KAZN: variants seen among roughly 807,000 people sequenced by gnomAD.
The protein encoded by KAZN is kazrin, periplakin interacting protein, also known as kazrin.
KAZN carries 40 observed loss-of-function variants against 87.4 expected under a neutral mutation model. That is an observed-to-expected ratio of 0.46 (90% confidence interval 0.36 to 0.60). The LOEUF (loss-of-function observed/expected upper bound fraction) is 0.60. KAZN is among the 20% of genes least tolerant of loss of function. KAZN has a pLI of 0.00. For synonymous variants in KAZN, 466 were observed against 458.3 expected, an observed-to-expected ratio of 1.02 and a Z score of -0.22; for missense variants, 898 against 1,073.9, an observed-to-expected ratio of 0.84 and a Z score of 2.29.
chr1:14,016,825 C>A (rs974150884), intron 1 of KAZN, among the ~76,000 whole-genome samples: 2 of 152,122 alleles, frequency 1.3e-5, no homozygotes, highest in Non-Finnish European at 2.9e-5. Flanking sequence ...AACAGAGAAG[C>A]GGGGATTTGC....
chr1:14,821,394 G>A (rs924227434), intron 1 of KAZN, among the ~76,000 whole-genome samples: 18 of 151,982 alleles, frequency 1.2e-4, no homozygotes, highest in Non-Finnish European at 1.8e-4. Flanking sequence ...GCAGGCACCT[G>A]TAATCCCAGC....
chr1:14,883,745 C>T (rs941892905), intron 1 of KAZN, among the ~76,000 whole-genome samples: 2 of 152,194 alleles, frequency 1.3e-5, no homozygotes, highest in Admixed American at 6.5e-5. Flanking sequence ...AAGAATCAGA[C>T]AGGGGGCCTA....
At chr1:14,726,111 C>T (rs1413062414) in intron 1 of KAZN, among the ~76,000 whole-genome samples, 1 of 152,232 alleles carries the variant, frequency 6.6e-6, no homozygotes, top group East Asian at 1.9e-4. Flanking sequence ...TCATCTGGCA[C>T]TGGCTCTGTG....
intron 1 of KAZN, among the ~76,000 whole-genome samples, chr1:14,886,461 CACAG>C (rs928430448): frequency 7.4e-5 from 11 of 148,662 alleles, no homozygotes; most frequent in African/African-American, 2.6e-4. Flanking sequence ...CACACACACA[CACAG>C]AGAGAGACAG....
chr1:14,157,534 T>G (rs1645619812), intron 1 of KAZN, among the ~76,000 whole-genome samples: 1 of 152,190 alleles, frequency 6.6e-6, no homozygotes, highest in African/African-American at 2.4e-5. Flanking sequence ...CTTCAGCGCT[T>G]TAAATATGTC....
At chr1:15,097,231 AC>A (rs779085803) in intron 10 of KAZN, among the ~76,000 whole-genome samples, 7 of 152,108 alleles carry the variant, frequency 4.6e-5, no homozygotes, top group Non-Finnish European at 8.8e-5. Context: ...ACAAAACTTC[AC>A]AACTTTTCAC....
intron 1 of KAZN, among the ~76,000 whole-genome samples, chr1:13,951,236 A>G (rs1418982501): frequency 2.0e-5 from 3 of 152,286 alleles, no homozygotes; most frequent in East Asian, 1.9e-4. Context: ...AGCAAGGCAT[A>G]GTGTGGTAAG....
At chr1:15,038,725 G>A (rs894366504) in intron 3 of KAZN, among the ~76,000 whole-genome samples, 3 of 152,168 alleles carry the variant, frequency 2.0e-5, no homozygotes, top group Admixed American at 6.5e-5. Context: ...TATAAGGCAT[G>A]ACCGTGACAG....
chr1:14,480,743 A>G (rs1669035446), intron 2 of KAZN, among the ~76,000 whole-genome samples: 1 of 145,790 alleles, frequency 6.9e-6, no homozygotes, highest in Non-Finnish European at 1.5e-5. Flanking sequence ...CATATACTAT[A>G]TATGTATTTA....
chr1:14,159,984 CT>C (rs1311992819), intron 1 of KAZN, among the ~76,000 whole-genome samples: 4 of 152,196 alleles, frequency 2.6e-5, no homozygotes, highest in Non-Finnish European at 4.4e-5. Context: ...ATGCAAGACT[CT>C]TCCCTTTCCT....
intron 1 of KAZN, among the ~76,000 whole-genome samples, chr1:14,173,895 A>C (rs1235818352): frequency 6.6e-6 from 1 of 152,222 alleles, no homozygotes; most frequent in Non-Finnish European, 1.5e-5. Context: ...ATGTTCCTAC[A>C]AAATAAGAGA....
In KAZN at chr1:15,026,490, G is replaced by T. The variant is rs577250417; in HGVS notation, c.419-8259G>T. Among the ~76,000 whole-genome samples the T allele has an allele frequency of 3.3e-5, 5 of 152,234 alleles. No homozygotes were observed. The East Asian group carries it at 9.7e-4, about 29-fold the overall frequency. On this transcript the variant is annotated intron_variant, in intron 2 of 14. Coordinates refer to ENST00000376030, the MANE Select transcript of KAZN (RefSeq NM_201628.3). ...ACTCCAACACCCTCATTATGCTGGG[G>T]GAAAACCGAGGCTTAGAGCGGGGGA...
chr1:13,991,767 C>G (rs982471798), intron 1 of KAZN, among the ~76,000 whole-genome samples: 2 of 152,126 alleles, frequency 1.3e-5, no homozygotes, highest in Non-Finnish European at 1.5e-5. Context: ...CCCCTGCCCT[C>G]CTTTCCTTCA....
intron 2 of KAZN, among the ~76,000 whole-genome samples, chr1:14,510,773 C>A (rs1425404059): frequency 6.6e-6 from 1 of 152,084 alleles, no homozygotes; most frequent in Non-Finnish European, 1.5e-5. Context: ...TAGGGGGTGG[C>A]TGTGAGCTCA....
intron 2 of KAZN, among the ~76,000 whole-genome samples, chr1:14,404,335 A>C (rs751707086): frequency 8.5e-5 from 13 of 152,304 alleles, no homozygotes; most frequent in South Asian, 4.1e-4. Context: ...CTGTGTCTGC[A>C]GCTCGATTTT....
At chr1:13,943,031 A>G (rs552946529) in intron 1 of KAZN, among the ~76,000 whole-genome samples, 1 of 152,348 alleles carries the variant, frequency 6.6e-6, no homozygotes, top group East Asian at 1.9e-4. Context: ...GAAAAAAGAC[A>G]GTGAAGCAGA....
At chr1:14,272,693 C>T (rs983346408) in intron 2 of KAZN, among the ~76,000 whole-genome samples, 17 of 152,002 alleles carry the variant, frequency 1.1e-4, no homozygotes, top group African/African-American at 3.9e-4. Context: ...CCTGTCTCTA[C>T]TAAAAATACA....
At chr1:14,233,194 C>T (rs1468545381) in intron 2 of KAZN, among the ~76,000 whole-genome samples, 5 of 152,040 alleles carry the variant, frequency 3.3e-5, no homozygotes, top group African/African-American at 7.2e-5. Context: ...TGCAGTGGCA[C>T]GATCACACCT....
intron 2 of KAZN, among the ~76,000 whole-genome samples, chr1:14,990,667 T>C (rs2101948850): frequency 6.6e-6 from 1 of 152,030 alleles, no homozygotes; most frequent in Non-Finnish European, 1.5e-5. Flanking sequence ...ACTCTCTGGC[T>C]CTTCCCAGTA....
Sources: allele counts gnomAD v4.1 joint callset (sites outside exome capture counted in the v4.1 genomes callset), GRCh38; gene constraint gnomAD v4.1.1; transcripts MANE v1.5; gene names NCBI Gene and HGNC (gene_info 2026-07-23, HGNC 2026-07-21).